The following SDR42E1 variants were observed in gnomAD, a reference collection of about 807,000 sequenced individuals.
SDR42E1 encodes the protein short-chain dehydrogenase/reductase family 42E member 1.
Under a neutral mutation model 2.6 loss-of-function variants are expected in SDR42E1, and 5 were observed. That is an observed-to-expected ratio of 1.94 (90% CI 1.01 to 4.08). SDR42E1 has a LOEUF of 4.08. SDR42E1 is among the 30% of genes most tolerant of loss of function. The probability of loss-of-function intolerance (pLI) is 0.00; values close to 1 mark genes in which losing one functional copy is unlikely to be tolerated. For synonymous variants in SDR42E1, 231 were observed against 188.3 expected, an observed-to-expected ratio of 1.23 and a Z score of -1.86; for missense variants, 596 against 478.6, an observed-to-expected ratio of 1.25 and a Z score of -2.29.
rs761373789 is a variant in SDR42E1, at chr16:81,999,732, G to A, written c.561C>T (p.Gly187=). The A allele has an allele frequency of 9.9e-6, 16 of 1,614,194 alleles. No homozygotes were observed. The highest frequency in any genetic ancestry group is 1.4e-5 in the Non-Finnish European group (16 of 1,180,026). ...GTCTTTGTTCTCCAGGCCCATAGATGCCAGCTGGCCTCAGAGCGCAGGTTC... is the reference window on the plus strand; with the variant it reads ...GTCTTTGTTCTCCAGGCCCATAGATACCAGCTGGCCTCAGAGCGCAGGTTC... The part of the protein sequence containing the change: ...VLRTCALRPA[G]IYGPGEQRHL... Residue 187 remains glycine, a synonymous_variant, in exon 3 of 3, where the codon GGC becomes GGT. Transcript: ENST00000328945.
At chr16:82,006,289 G>T (rs1483302549) in intron 1 of SDR42E1, among the ~76,000 whole-genome samples, 1 of 152,186 alleles carries the variant, frequency 6.6e-6, no homozygotes, top group African/African-American at 2.4e-5. Flanking sequence ...CTGACCAGAG[G>T]TAAAAGGTAA....
At chr16:82,003,981 G>A (rs888847078) in intron 1 of SDR42E1, among the ~76,000 whole-genome samples, 2 of 152,158 alleles carry the variant, frequency 1.3e-5, no homozygotes, top group South Asian at 2.1e-4. Context: ...CTGCTGTTCT[G>A]CAAGACATTA....
rs1912425324 is a variant in SDR42E1, at chr16:81,991,403, G to GATAAAACCACCTCCA, written c.*7693_*7707dup. The GATAAAACCACCTCCA allele has an allele frequency of 6.6e-6, 1 of 152,092 alleles. No individual in the cohort carries two copies. The highest frequency in any genetic ancestry group is 1.5e-5 in the Non-Finnish European group (1 of 68,030). 9.4% of individuals were successfully genotyped at this position (152,092 alleles called of 1,614,324 possible). A position where few individuals can be genotyped will look rare whatever the true frequency, so the allele number is the denominator to read the frequency against. On this transcript the variant is annotated 3_prime_UTR_variant, in exon 3 of 3. Coordinates refer to ENST00000328945, the MANE Select transcript of SDR42E1 (RefSeq NM_145168.3). ...GCCTTGAATAATGTCATGCTAACGTGATAAAACCACCTCCAACAAGGTAAG... is the reference window on the plus strand; with the variant it reads ...GCCTTGAATAATGTCATGCTAACGTGATAAAACCACCTCCAATAAAACCACCTCCAACAAGGTAAG...
chr16:82,003,387 C>A (rs1156622338), intron 1 of SDR42E1, among the ~76,000 whole-genome samples: 1 of 152,212 alleles, frequency 6.6e-6, no homozygotes, highest in Non-Finnish European at 1.5e-5. Flanking sequence ...GTACTCACAA[C>A]CCTTCATGAT....
Position 81,998,148 on chromosome 16 carries a change from G to C in SDR42E1, c.*963C>G, listed in dbSNP as rs1053180611. 2.0e-5 allele frequency: 3 copies of C among 152,188 alleles called. No individual in the cohort carries two copies. Among genetic ancestry groups the C allele is most frequent in the African/African-American group, 7.2e-5 (3 of 41,450 alleles). 9.4% of individuals were successfully genotyped at this position (152,188 alleles called of 1,614,324 possible). On this transcript the variant is annotated 3_prime_UTR_variant, in exon 3 of 3. Transcript: ENST00000328945. Reference sequence around the variant, plus strand: ...TTCCTCATTGGAAGCTGTCTTCAGAGAGCCAATCTTCTTCCCAGTAAGAAA... The same window carrying C: ...TTCCTCATTGGAAGCTGTCTTCAGACAGCCAATCTTCTTCCCAGTAAGAAA...
rs951652345 is a variant in SDR42E1 at position 81,992,212 on chromosome 16, G to C, written c.*6899C>G. On this transcript the variant is annotated 3_prime_UTR_variant, in exon 3 of 3. Transcript: ENST00000328945. The stretch of plus-strand genomic sequence containing the variant: ...ATCCTGAGTAAACTCTCAACAAATA[G>C]TAGCAATTAACTATTAACAATGTTC... 1 of 152,136 alleles carries C rather than the reference G, an allele frequency of 6.6e-6. No homozygotes were observed. Among genetic ancestry groups the C allele is most frequent in the Non-Finnish European group, 1.5e-5 (1 of 68,038 alleles). The allele number at this position is 152,136 out of a possible 1,614,324, so 9.4% of individuals were successfully genotyped here. A position where few individuals can be genotyped will look rare whatever the true frequency, so the allele number is the denominator to read the frequency against.
rs1414407247 is a variant in SDR42E1 at position 82,000,869 on chromosome 16, C to G, written c.-11G>C. 3.7e-6 allele frequency: 6 copies of G among 1,609,570 alleles called. No homozygotes were observed. Among genetic ancestry groups the G allele is most frequent in the Non-Finnish European group, 8.5e-7 (1 of 1,176,940 alleles). On this transcript the variant is annotated 5_prime_UTR_variant, in exon 2 of 3. Coordinates refer to ENST00000328945, the MANE Select transcript of SDR42E1 (RefSeq NM_145168.3). ...TCTTTTGGGGTCCATATGTGGCAGT[C>G]AAAAGATAACTGGACCTGAAGAAAG...
rs527927427 is a variant in SDR42E1, at chr16:81,990,993, T to A, written c.*8118A>T. On this transcript the variant is annotated 3_prime_UTR_variant, in exon 3 of 3. Coordinates refer to ENST00000328945, the MANE Select transcript of SDR42E1 (RefSeq NM_145168.3). ...CTCCACGCCCAGAATAGTGTAAGAC[T>A]GCAGGGGAGGCAAAGAGCCATCAGC... 1.3e-5 allele frequency: 2 copies of A among 152,340 alleles called. No individual in the cohort carries two copies. Among genetic ancestry groups the A allele is most frequent in the African/African-American group, 4.8e-5 (2 of 41,570 alleles). 9.4% of individuals were successfully genotyped at this position (152,340 alleles called of 1,614,324 possible).
At chr16:82,006,776 AGAGG>A (rs1428415704) in intron 1 of SDR42E1, among the ~76,000 whole-genome samples, 1 of 152,244 alleles carries the variant, frequency 6.6e-6, no homozygotes, top group East Asian at 1.9e-4. Flanking sequence ...TCTAGGCGAC[AGAGG>A]GAGATTCCAT....
intron 1 of SDR42E1, among the ~76,000 whole-genome samples, chr16:82,005,215 T>C (rs1225011244): frequency 6.6e-6 from 1 of 152,154 alleles, no homozygotes; most frequent in Non-Finnish European, 1.5e-5. Context: ...GTAAGGAACA[T>C]ACAACTTCGG....
Position 81,999,937 on chromosome 16 carries a change from A to C in SDR42E1, c.356T>G (p.Val119Gly). The C allele has an allele frequency of 1.2e-6, 2 of 1,614,188 alleles. No individual in the cohort carries two copies. Among genetic ancestry groups the C allele is most frequent in the Non-Finnish European group, 1.7e-6 (2 of 1,180,036 alleles). Reference protein sequence around the residue: ...VCQRRRVPRLVYTSTFNVIFG... With the variant: ...VCQRRRVPRLGYTSTFNVIFG... Reference sequence around the variant, plus strand: ...GATGACATTGAAAGTGCTGGTGTAAACTAACCTGGGCACCCTTCTCCTTTG... The same window carrying C: ...GATGACATTGAAAGTGCTGGTGTAACCTAACCTGGGCACCCTTCTCCTTTG... Residue 119 changes from valine to glycine, a missense_variant, in exon 3 of 3, where the codon GTT (valine) becomes GGT (glycine). Transcript: ENST00000328945.
intron 1 of SDR42E1, among the ~76,000 whole-genome samples, chr16:82,010,616 C>A (rs1196179104): frequency 1.3e-5 from 2 of 152,136 alleles, no homozygotes; most frequent in Non-Finnish European, 1.5e-5. Context: ...AATAATGCAA[C>A]CATTTGTCTC....
chr16:82,002,075 C>T (rs1314525603), intron 1 of SDR42E1, among the ~76,000 whole-genome samples: 1 of 152,050 alleles, frequency 6.6e-6, no homozygotes, highest in Non-Finnish European at 1.5e-5. Flanking sequence ...CCTACCATTT[C>T]TCTTTCCCAG....
At chr16:82,002,270 A>G (rs1031938221) in intron 1 of SDR42E1, among the ~76,000 whole-genome samples, 5 of 152,326 alleles carry the variant, frequency 3.3e-5, no homozygotes, top group South Asian at 2.1e-4. Context: ...TATGGGGGAC[A>G]GGAATACACA....
chr16:81,998,994 A>T lies in SDR42E1; in HGVS notation c.*117T>A. On this transcript the variant is annotated 3_prime_UTR_variant, in exon 3 of 3. Coordinates refer to ENST00000328945, the MANE Select transcript of SDR42E1 (RefSeq NM_145168.3). ...AGATTCAATCCAAGAACCTATTCTTAAGTAGCAATTTGAAGAGCCAATGTT... is the reference window on the plus strand; with the variant it reads ...AGATTCAATCCAAGAACCTATTCTTTAGTAGCAATTTGAAGAGCCAATGTT... 9.6e-7 allele frequency: 1 copy of T among 1,038,684 alleles called. No homozygotes were observed. The highest frequency in any genetic ancestry group is 1.4e-6 in the Non-Finnish European group (1 of 725,264). The allele number at this position is 1,038,684 out of a possible 1,614,324, so 64.3% of individuals were successfully genotyped here. A position where few individuals can be genotyped will look rare whatever the true frequency, so the allele number is the denominator to read the frequency against.
rs1027884201 is a variant in SDR42E1, at chr16:81,990,563, C to T, written c.*8548G>A. On this transcript the variant is annotated 3_prime_UTR_variant, in exon 3 of 3. Transcript: ENST00000328945. ...AGCAGAAACACTATTAATTAAGGAT[C>T]CATGTGCATAGTTCTTGTACAGGTT... 2 of 152,158 alleles carry T rather than the reference C, an allele frequency of 1.3e-5. No individual in the cohort carries two copies. The highest frequency in any genetic ancestry group is 2.4e-5 in the African/African-American group (1 of 41,434). The allele number at this position is 152,158 out of a possible 1,614,324, so 9.4% of individuals were successfully genotyped here. A position where few individuals can be genotyped will look rare whatever the true frequency, so the allele number is the denominator to read the frequency against.
chr16:82,003,049 G>T (rs775718529), intron 1 of SDR42E1, among the ~76,000 whole-genome samples: 3 of 152,134 alleles, frequency 2.0e-5, no homozygotes, highest in African/African-American at 7.2e-5. Flanking sequence ...AAGCGAATCA[G>T]ATCACTTATG....
chr16:81,989,208 T>C lies in SDR42E1; in HGVS notation c.*9903A>G, dbSNP rs558024367. 25 of 152,260 alleles carry C rather than the reference T, an allele frequency of 1.6e-4. No individual in the cohort carries two copies. In the South Asian group the frequency reaches 5.0e-3, roughly 30 times the overall value. 9.4% of individuals were successfully genotyped at this position (152,260 alleles called of 1,614,324 possible). ...TCTTTATATACCCGGTGACCTCCTA[T>C]GTCAGCAAATAAAGAATATATACTA... On this transcript the variant is annotated 3_prime_UTR_variant, in exon 3 of 3. Coordinates refer to ENST00000328945, the MANE Select transcript of SDR42E1 (RefSeq NM_145168.3).
chr16:82,006,745 G>A (rs150126341), intron 1 of SDR42E1, among the ~76,000 whole-genome samples: 37 of 152,326 alleles, frequency 2.4e-4, no homozygotes, highest in African/African-American at 8.4e-4. Flanking sequence ...AGTGAGTGCA[G>A]ACTGCACCAC....
Sources: gnomAD v4.1 joint callset for allele counts (sites outside exome capture counted in the v4.1 genomes callset) on GRCh38, gnomAD v4.1.1 for gene constraint, MANE v1.5 for transcripts, NCBI Gene and HGNC (gene_info 2026-07-23, HGNC 2026-07-21) for gene names.